The following TULP4 variants were observed in gnomAD, a reference collection of about 807,000 sequenced individuals.
TULP4 encodes TUB like protein 4.
Under a neutral mutation model 129.0 loss-of-function variants are expected in TULP4, and 16 were observed. The observed-to-expected ratio is 0.12, with a 90% CI of 0.08 to 0.19. The LOEUF (loss-of-function observed/expected upper bound fraction) is 0.19, where lower values mean the gene tolerates loss of function less well. TULP4 is among the 10% of genes least tolerant of loss of function. The probability of loss-of-function intolerance (pLI) is 1.00; values close to 1 mark genes in which losing one functional copy is unlikely to be tolerated. For missense variants in TULP4, 1,842 were observed against 2,059.1 expected (o/e 0.89, Z 2.04); for synonymous variants, 998 against 854.0 (o/e 1.17, Z -2.94).
intron 13 of TULP4, 101 bp downstream of exon 13, chr6:158,504,279 G>T: frequency 2.1e-6 from 2 of 950,338 alleles, no homozygotes; most frequent in Non-Finnish European, 3.1e-6. Context: ...GGGAAATGTG[G>T]AAAACAACGA....
intron 12 of TULP4, 97 bp downstream of exon 12, chr6:158,498,909 T>G (rs1780387515): frequency 1.4e-6 from 2 of 1,478,470 alleles, no homozygotes; most frequent in East Asian, 2.3e-5. Flanking sequence ...TTCAGTCTGC[T>G]ACCTGGGTTT....
chr6:158,284,663 T>C (rs902727020), intron 1 of TULP4, among the ~76,000 whole-genome samples: 1 of 152,232 alleles, frequency 6.6e-6, no homozygotes, highest in Non-Finnish European at 1.5e-5. Context: ...AAATAGGTAC[T>C]GAGCTGCTGA....
At chr6:158,352,958 G>A (rs56180963) in intron 1 of TULP4, among the ~76,000 whole-genome samples, 26,329 of 152,010 alleles carry the variant, frequency 0.17, 2,691 homozygotes, top group Middle Eastern at 0.26. Flanking sequence ...ATATTCTTTC[G>A]TATTTGTGTC....
At chr6:158,457,053 G>A (rs1779307582) in intron 5 of TULP4, among the ~76,000 whole-genome samples, 1 of 152,072 alleles carries the variant, frequency 6.6e-6, no homozygotes, top group African/African-American at 2.4e-5. Context: ...TAAATACTGG[G>A]ATGAGACAAC....
intron 1 of TULP4, among the ~76,000 whole-genome samples, chr6:158,327,101 T>A (rs760487053): frequency 1.4e-4 from 19 of 137,780 alleles, no homozygotes; most frequent in Non-Finnish European, 2.2e-4. Flanking sequence ...TAAATAATAC[T>A]TTCCTCATAT....
Position 158,449,623 on chromosome 6 carries a change from AT to A in TULP4, c.724+448del, listed in dbSNP as rs577727984. Among the ~76,000 whole-genome samples, 603 of 152,332 alleles carry A rather than the reference AT, an allele frequency of 4.0e-3. 5 individuals are homozygous for A. Among genetic ancestry groups the A allele is most frequent in the African/African-American group, 0.014 (579 of 41,584 alleles). ...GCATGAGAAAAGGATTTGTTTTGCC[AT>A]AATGAAGGCCAGCACCTTGGGCAGA... On this transcript the variant is annotated intron_variant, in intron 4 of 13. Coordinates refer to ENST00000367097, the MANE Select transcript of TULP4 (RefSeq NM_020245.5).
chr6:158,395,241 G>A (rs1376468814), intron 1 of TULP4, among the ~76,000 whole-genome samples: 1 of 152,172 alleles, frequency 6.6e-6, no homozygotes, highest in Non-Finnish European at 1.5e-5. Flanking sequence ...AATTTCAGCA[G>A]TGATTCCAGT....
intron 1 of TULP4, among the ~76,000 whole-genome samples, chr6:158,248,656 G>T (rs757002387): frequency 6.6e-6 from 1 of 151,810 alleles, no homozygotes; most frequent in Non-Finnish European, 1.5e-5. Flanking sequence ...TGGGATGATC[G>T]CTTGAGCCTG....
intron 6 of TULP4, among the ~76,000 whole-genome samples, chr6:158,471,741 T>G (rs1488718958): frequency 6.6e-6 from 1 of 152,198 alleles, no homozygotes; most frequent in Non-Finnish European, 1.5e-5. Flanking sequence ...TGATTCTGTT[T>G]GTGTCCCCAC....
chr6:158,487,952 T>C (rs1053183564), intron 8 of TULP4, among the ~76,000 whole-genome samples: 1 of 152,130 alleles, frequency 6.6e-6, no homozygotes, highest in African/African-American at 2.4e-5. Context: ...TTTGCAGTAG[T>C]TGGGGAGACA....
chr6:158,337,256 T>A (rs9364955), intron 1 of TULP4, among the ~76,000 whole-genome samples: 1 of 151,254 alleles, frequency 6.6e-6, no homozygotes, highest in South Asian at 2.1e-4. Flanking sequence ...CACTTCAGCT[T>A]AGTAGCTGGG....
intron 1 of TULP4, among the ~76,000 whole-genome samples, chr6:158,318,172 C>G (rs1437043899): frequency 6.6e-6 from 1 of 152,046 alleles, no homozygotes; most frequent in Non-Finnish European, 1.5e-5. Context: ...AGAATCTGTT[C>G]CATTTGGCTG....
chr6:158,491,440 T>TCTTTCTTTCTTTCTTC (rs1554296506), intron 9 of TULP4, among the ~76,000 whole-genome samples: 1 of 18,948 alleles, frequency 5.3e-5, no homozygotes, highest in African/African-American at 2.5e-4. Flanking sequence ...TTTCTTTCTT[T>TCTTTCTTTCTTTCTTC]CTTTTCTTTC....
Position 158,455,369 on chromosome 6 carries a change from C to T in TULP4, c.859+3101C>T, listed in dbSNP as rs914525067. ...GATTACAGGCGTGAGCCACCGCGCC[C>T]GGCCAAATTTAACATTTTAATTATT... On this transcript the variant is annotated intron_variant, in intron 5 of 13. Transcript: ENST00000367097. Among the ~76,000 whole-genome samples the T allele has an allele frequency of 5.3e-5, 8 of 151,014 alleles. 2 individuals carry two copies. The highest frequency in any genetic ancestry group is 7.4e-5 in the Non-Finnish European group (5 of 67,744).
At chr6:158,326,872 C>G (rs1779758097) in intron 1 of TULP4, among the ~76,000 whole-genome samples, 2 of 152,238 alleles carry the variant, frequency 1.3e-5, no homozygotes, top group East Asian at 3.9e-4. Flanking sequence ...GGAATTTTTT[C>G]AATCAAATAC....
chr6:158,315,595 T>C (rs896692992), intron 1 of TULP4, among the ~76,000 whole-genome samples: 2 of 152,220 alleles, frequency 1.3e-5, no homozygotes, highest in Middle Eastern at 3.2e-3. Flanking sequence ...TTACGGGTAC[T>C]TGGTGCTCCT....
chr6:158,315,896 C>T (rs1485695651), intron 1 of TULP4, among the ~76,000 whole-genome samples: 1 of 152,218 alleles, frequency 6.6e-6, no homozygotes, highest in African/African-American at 2.4e-5. Context: ...TGATCACCTC[C>T]CAAAGGTCCC....
intron 1 of TULP4, among the ~76,000 whole-genome samples, chr6:158,287,317 A>G (rs1778850376): frequency 6.6e-6 from 1 of 152,226 alleles, no homozygotes; most frequent in South Asian, 2.1e-4. Flanking sequence ...ATTGGCCTAT[A>G]AAATAATATA....
chr6:158,376,120 C>A (rs1159141586), intron 1 of TULP4, among the ~76,000 whole-genome samples: 1 of 152,192 alleles, frequency 6.6e-6, no homozygotes, highest in Non-Finnish European at 1.5e-5. Flanking sequence ...CTTTTCCCTG[C>A]ACCTCCTCTC....
Sources: allele counts gnomAD v4.1 joint callset (sites outside exome capture counted in the v4.1 genomes callset), GRCh38; gene constraint gnomAD v4.1.1; transcripts MANE v1.5; gene names NCBI Gene and HGNC (gene_info 2026-07-23, HGNC 2026-07-21).